Variants in NSUN6 observed in about 807,000 individuals in gnomAD.
NSUN6 encodes NOP2/Sun RNA methyltransferase 6.
A neutral mutation model predicts 58.0 loss-of-function variants in NSUN6; 64 were observed. That is an observed-to-expected ratio of 1.10 (90% CI 0.90 to 1.36). NSUN6 has a LOEUF of 1.36. Ranked by LOEUF, NSUN6 falls within the 40% of genes most tolerant of loss-of-function variation. NSUN6 has a pLI of 0.00. For missense variants in NSUN6, 701 were observed against 550.1 expected (o/e 1.27, Z -2.74); for synonymous variants, 231 against 193.9 (o/e 1.19, Z -1.59).
At chr10:18,610,591 A>G (rs2058197995) in intron 5 of NSUN6, among the ~76,000 whole-genome samples, 1 of 152,142 alleles carries the variant, frequency 6.6e-6, no homozygotes, top group South Asian at 2.1e-4. Context: ...TACTGACACA[A>G]TCCCAAGGAT....
chr10:18,596,095 A>G (rs1013827190), intron 7 of NSUN6, 113 bp downstream of exon 7: 2 of 832,502 alleles, frequency 2.4e-6, no homozygotes, highest in South Asian at 1.7e-5. Context: ...AATAGTTTTC[A>G]TTTTGGCTGA....
At position 18,651,263 on chromosome 10, in the gene NSUN6, T is replaced by TC. The variant is rs2059697747; in HGVS notation, c.-61_-60insG. 1.3e-6 allele frequency: 2 copies of TC among 1,505,972 alleles called. No homozygotes were observed. Among genetic ancestry groups the TC allele is most frequent in the Non-Finnish European group, 1.8e-6 (2 of 1,133,162 alleles). 93.3% of individuals were successfully genotyped at this position (1,505,972 alleles called of 1,614,324 possible). On this transcript the variant is annotated 5_prime_UTR_variant, in exon 1 of 11. Transcript: ENST00000377304. ...GCTGGAAAACGGTGTTTTGTTTTTT[T>TC]TTTTCTTTCCGAATTAATAGTGACG...
At chr10:18,580,758 T>C (rs1291065611) in intron 8 of NSUN6, among the ~76,000 whole-genome samples, 2 of 152,204 alleles carry the variant, frequency 1.3e-5, no homozygotes, top group South Asian at 2.1e-4. Flanking sequence ...TTACCCAAGA[T>C]GCAGAAAGGA....
At chr10:18,563,545 G>C (rs977922557) in intron 8 of NSUN6, among the ~76,000 whole-genome samples, 61 of 150,836 alleles carry the variant, frequency 4.0e-4, no homozygotes, top group African/African-American at 1.4e-3. Context: ...ATGGAGAGTA[G>C]AATGGAAAGT....
At chr10:18,623,417 A>G (rs1362201307) in intron 3 of NSUN6, among the ~76,000 whole-genome samples, 6 of 152,240 alleles carry the variant, frequency 3.9e-5, no homozygotes, top group Non-Finnish European at 8.8e-5. Context: ...TATAATTGCG[A>G]TGATGAGAAA....
chr10:18,571,296 T>A (rs1589903700), intron 8 of NSUN6, among the ~76,000 whole-genome samples: 1 of 147,558 alleles, frequency 6.8e-6, no homozygotes, highest in East Asian at 2.0e-4. Flanking sequence ...ATTCCCTTCT[T>A]TTCTCCATTC....
At chr10:18,556,003 T>C (rs1162616010) in intron 8 of NSUN6, among the ~76,000 whole-genome samples, 2 of 146,022 alleles carry the variant, frequency 1.4e-5, no homozygotes, top group African/African-American at 5.1e-5. Context: ...TAGAATGGAA[T>C]ATGGAATGGA....
At position 18,604,621 on chromosome 10, in the gene NSUN6, C is replaced by T. The variant is rs183280360; in HGVS notation, c.657+5224G>A. On this transcript the variant is annotated intron_variant, in intron 6 of 10. Transcript: ENST00000377304. ...TAGGAAGGCCAGGCATGGTGGCTCACACCTGTAATCCCAGCACTTTGGGAG... is the reference window on the plus strand; with the variant it reads ...TAGGAAGGCCAGGCATGGTGGCTCATACCTGTAATCCCAGCACTTTGGGAG... Among the ~76,000 whole-genome samples, 722 of 152,202 alleles carry T rather than the reference C, an allele frequency of 4.7e-3. 3 individuals carry two copies. Among genetic ancestry groups the T allele is most frequent in the African/African-American group, 0.014 (599 of 41,548 alleles).
chr10:18,550,101 T>C lies in NSUN6; in HGVS notation c.1071+1722A>G, dbSNP rs150056115. Among the ~76,000 whole-genome samples, 119 of 152,388 alleles carry C rather than the reference T, an allele frequency of 7.8e-4. 1 individual carries two copies. The highest frequency in any genetic ancestry group is 2.7e-3 in the African/African-American group (114 of 41,600). On this transcript the variant is annotated intron_variant, in intron 9 of 10. Coordinates refer to ENST00000377304, the MANE Select transcript of NSUN6 (RefSeq NM_182543.5). Reference sequence around the variant, plus strand: ...TGCTATATTCTAGTTCTCTCTGATATACTGTCAGCTTTTCCTTCTCATTGA... The same window carrying C: ...TGCTATATTCTAGTTCTCTCTGATACACTGTCAGCTTTTCCTTCTCATTGA...
intron 7 of NSUN6, among the ~76,000 whole-genome samples, chr10:18,591,749 G>A (rs945180653): frequency 5.3e-5 from 8 of 152,016 alleles, no homozygotes; most frequent in African/African-American, 9.7e-5. Context: ...TGACAAACCC[G>A]TAGCCAACAT....
chr10:18,635,520 C>A (rs12354694), intron 3 of NSUN6, among the ~76,000 whole-genome samples: 4 of 152,072 alleles, frequency 2.6e-5, no homozygotes, highest in Admixed American at 1.3e-4. Context: ...GACTGGAAAG[C>A]TACACTGTGT....
intron 4 of NSUN6, among the ~76,000 whole-genome samples, 194 bp from the exon 5 acceptor site, chr10:18,614,807 C>A (rs1425678023): frequency 2.0e-5 from 3 of 152,068 alleles, no homozygotes; most frequent in Admixed American, 1.3e-4. Context: ...ATAAAACTCA[C>A]TAAAGAATCT....
At chr10:18,554,229 T>A (rs1230397970) in intron 8 of NSUN6, among the ~76,000 whole-genome samples, 1 of 147,810 alleles carries the variant, frequency 6.8e-6, no homozygotes, top group African/African-American at 2.5e-5. Context: ...TGGAATGGAC[T>A]GGAGACTGGA....
In NSUN6 at chr10:18,614,553, CCTTT is replaced by C. The variant is rs762430673; in HGVS notation, c.478_481del (p.Lys160GlufsTer19). Reference sequence around the variant, plus strand: ...TTTTGTTCCATCAAATTCTTTGGCTCCTTTCTTACATTTTCCTTTAATATCAGAG... The same window carrying C: ...TTTTGTTCCATCAAATTCTTTGGCTCCTTACATTTTCCTTTAATATCAGAG... On this transcript the variant is annotated frameshift_variant, in exon 5 of 11. Coordinates refer to ENST00000377304, the MANE Select transcript of NSUN6 (RefSeq NM_182543.5). LOFTEE classifies it high-confidence loss of function. The C allele has an allele frequency of 6.5e-7, 1 of 1,528,352 alleles. No homozygotes were observed. Among genetic ancestry groups the C allele is most frequent in the East Asian group, 2.4e-5 (1 of 41,510 alleles). The allele number at this position is 1,528,352 out of a possible 1,614,324, so 94.7% of individuals were successfully genotyped here.
At chr10:18,626,234 T>A (rs1323491514) in intron 3 of NSUN6, among the ~76,000 whole-genome samples, 1 of 142,608 alleles carries the variant, frequency 7.0e-6, no homozygotes, top group Non-Finnish European at 1.5e-5. Flanking sequence ...TGACAATGTT[T>A]AAAAAAAAAA....
At chr10:18,581,671 A>G (rs779100854) in intron 8 of NSUN6, among the ~76,000 whole-genome samples, 1 of 152,140 alleles carries the variant, frequency 6.6e-6, no homozygotes, top group Non-Finnish European at 1.5e-5. Flanking sequence ...CTGAAAATAC[A>G]AAACATTACC....
intron 2 of NSUN6, among the ~76,000 whole-genome samples, chr10:18,646,255 C>T (rs763701596): frequency 6.6e-6 from 1 of 152,128 alleles, no homozygotes; most frequent in Non-Finnish European, 1.5e-5. Flanking sequence ...AAAACACTTA[C>T]TTTTATATCA....
At chr10:18,630,551 G>C (rs552057128) in intron 3 of NSUN6, among the ~76,000 whole-genome samples, 1 of 151,854 alleles carries the variant, frequency 6.6e-6, no homozygotes, top group Non-Finnish European at 1.5e-5. Flanking sequence ...AAATAGATGC[G>C]ATAAAAAATG....
At chr10:18,597,843 A>C (rs1276405831) in intron 6 of NSUN6, among the ~76,000 whole-genome samples, 1 of 152,198 alleles carries the variant, frequency 6.6e-6, no homozygotes, top group Non-Finnish European at 1.5e-5. Flanking sequence ...AAGGGAATCT[A>C]AGATCACCAC....
Sources: allele counts gnomAD v4.1 joint callset (sites outside exome capture counted in the v4.1 genomes callset), GRCh38; gene constraint gnomAD v4.1.1; transcripts MANE v1.5; gene names NCBI Gene and HGNC (gene_info 2026-07-23, HGNC 2026-07-21).